The following PTPN3 variants were observed in gnomAD, a reference collection of about 807,000 sequenced individuals.
The protein encoded by PTPN3 is protein tyrosine phosphatase non-receptor type 3.
In PTPN3, 96 loss-of-function variants were observed where a neutral mutation model predicts 132.7. The ratio of observed to expected loss-of-function variants is 0.72; its 90% CI spans 0.61 to 0.86. The LOEUF (loss-of-function observed/expected upper bound fraction) is 0.86. Ranked by LOEUF, PTPN3 falls within the 40% of genes least tolerant of loss-of-function variation. The pLI is 0.00. For missense variants in PTPN3, 1,125 were observed against 1,159.6 expected, an observed-to-expected ratio of 0.97 and a Z score of 0.43; for synonymous variants, 398 against 429.0, an observed-to-expected ratio of 0.93 and a Z score of 0.89.
the PTPN3 span, among the ~76,000 whole-genome samples, chr9:109,536,859 A>C: frequency 6.6e-6 from 1 of 152,184 alleles, no homozygotes; most frequent in South Asian, 2.1e-4. Context: ...TCTGTCAATG[A>C]GAAGATTGAA....
At chr9:109,499,930 G>A (rs1447199950), upstream of PTPN3, among the ~76,000 whole-genome samples, 1 of 152,178 alleles carries the variant, frequency 6.6e-6, no homozygotes, top group Non-Finnish European at 1.5e-5. Flanking sequence ...GGACGGGCGG[G>A]GAGCGCACTG....
chr9:109,509,287 C>T, the PTPN3 span, among the ~76,000 whole-genome samples: 1 of 152,054 alleles, frequency 6.6e-6, no homozygotes, highest in South Asian at 2.1e-4. Flanking sequence ...GGGAAGCTGC[C>T]CCAGTGTTGT....
chr9:109,437,029 A>G, intron 8 of PTPN3, 59 bp from the exon 9 acceptor site: 1 of 1,604,110 alleles, frequency 6.2e-7, no homozygotes, highest in South Asian at 1.1e-5. Context: ...ATTAACTCCA[A>G]TTTTAAAAAA....
the PTPN3 span, among the ~76,000 whole-genome samples, chr9:109,507,777 G>A: frequency 1.3e-5 from 2 of 152,154 alleles, no homozygotes; most frequent in Non-Finnish European, 2.9e-5. Flanking sequence ...GCAGTGCTCC[G>A]GGACTCACTT....
At chr9:109,480,303 G>A (rs1011760678) in intron 1 of PTPN3, among the ~76,000 whole-genome samples, 2 of 152,066 alleles carry the variant, frequency 1.3e-5, no homozygotes, top group Non-Finnish European at 2.9e-5. Flanking sequence ...TAGTAGCTGG[G>A]ACTACAGGCA....
At position 109,449,985 on chromosome 9, in the gene PTPN3, C is replaced by A. The variant is rs941570569; in HGVS notation, c.369-1130G>T. ...GCCTCATAACTCTGTAAGGTAGGTA[C>A]CACTATCTCCATTTTTACAGATGAC... On this transcript the variant is annotated intron_variant, in intron 5 of 25. Transcript: ENST00000374541. The A allele has an allele frequency of 3.0e-6, 3 of 983,720 alleles. No individual in the cohort carries two copies. In the African/African-American group the frequency reaches 5.3e-5, roughly 17 times the overall value. 60.9% of individuals were successfully genotyped at this position (983,720 alleles called of 1,614,324 possible).
chr9:109,440,500 G>C (rs1205364876), intron 7 of PTPN3, among the ~76,000 whole-genome samples: 1 of 152,164 alleles, frequency 6.6e-6, no homozygotes, highest in Non-Finnish European at 1.5e-5. Context: ...CAGAACCCAG[G>C]TGATCTGAAC....
chr9:109,430,300 G>T (rs1176222875), intron 10 of PTPN3, among the ~76,000 whole-genome samples: 3 of 152,072 alleles, frequency 2.0e-5, no homozygotes, highest in African/African-American at 7.2e-5. Flanking sequence ...TGGCCCATGG[G>T]TATCTGTGGA....
chr9:109,504,370 G>T, the PTPN3 span, among the ~76,000 whole-genome samples: 896 of 152,266 alleles, frequency 5.9e-3, 6 homozygotes, highest in African/African-American at 0.021. Flanking sequence ...CCTCATGGCT[G>T]CCAGATGTGC....
upstream of PTPN3, among the ~76,000 whole-genome samples, chr9:109,499,524 G>T (rs577396475): frequency 6.6e-6 from 1 of 152,256 alleles, no homozygotes; most frequent in East Asian, 1.9e-4. Flanking sequence ...TGTCAGCTTT[G>T]GGGCTGTAGC....
chr9:109,417,440 C>T (rs1842600459), intron 14 of PTPN3: 2 of 360,314 alleles, frequency 5.6e-6, no homozygotes, highest in African/African-American at 2.2e-5. Flanking sequence ...TGACAGAATG[C>T]TTCTTTTTGC....
intron 5 of PTPN3, among the ~76,000 whole-genome samples, chr9:109,453,217 T>C (rs986525748): frequency 7.9e-5 from 12 of 152,198 alleles, no homozygotes; most frequent in African/African-American, 2.2e-4. Flanking sequence ...TTTCAACATA[T>C]TACAAGTTAA....
At chr9:109,384,354 C>T (rs558897094) in intron 22 of PTPN3, among the ~76,000 whole-genome samples, 1 of 152,304 alleles carries the variant, frequency 6.6e-6, no homozygotes, top group South Asian at 2.1e-4. Flanking sequence ...TTAGGTGACG[C>T]CCTAAAGAGG....
At chr9:109,449,087 A>T in intron 5 of PTPN3, 2 of 1,358,608 alleles carry the variant, frequency 1.5e-6, no homozygotes, top group South Asian at 3.4e-5. Context: ...ATTTTCTGCC[A>T]GCACAGGCTG....
chr9:109,507,192 A>G, the PTPN3 span, among the ~76,000 whole-genome samples: 1 of 152,194 alleles, frequency 6.6e-6, no homozygotes, highest in Middle Eastern at 3.2e-3. Flanking sequence ...GAGCTTTTGG[A>G]TAAGGATAAA....
rs562078584 is a variant in PTPN3, at chr9:109,470,620, C to G, written c.-17-7169G>C. On this transcript the variant is annotated intron_variant, in intron 1 of 25. Transcript: ENST00000374541. ...CTGAGGTGGGAGAATCGCTTGAGCC[C>G]AGGAGGTCAAGGCTGCAGGGAGCTA... Among the ~76,000 whole-genome samples the G allele has an allele frequency of 4.6e-5, 7 of 151,142 alleles. No homozygotes were observed. In the East Asian group the frequency reaches 7.8e-4, roughly 17 times the overall value.
Position 109,404,584 on chromosome 9 carries a change from T to C in PTPN3, c.1817A>G (p.Lys606Arg), listed in dbSNP as rs1199238578. The C allele has an allele frequency of 6.5e-7, 1 of 1,549,450 alleles. No homozygotes were observed. The highest frequency in any genetic ancestry group is 2.3e-5 in the East Asian group (1 of 43,632). The stretch of plus-strand genomic sequence containing the variant: ...AAGCTGGTTCAGTTCATCTTCAGAC[T>C]TGAAGTCAGCAAATGAGCGGACAGC... ...RRAVRSFADF[K>R]SEDELNQLFP... is the part of the protein sequence containing the mutation. Residue 606 changes from lysine (K) to arginine (R), a missense_variant, in exon 19 of 26, where the codon AAG becomes AGG. Transcript: ENST00000374541.
intron 14 of PTPN3, among the ~76,000 whole-genome samples, chr9:109,419,507 C>T (rs976633087): frequency 6.6e-6 from 1 of 152,122 alleles, no homozygotes; most frequent in Admixed American, 6.5e-5. Context: ...ACAGTTGATC[C>T]TTTACTATCA....
intron 5 of PTPN3, chr9:109,451,154 G>C (rs1200804235): frequency 2.1e-6 from 2 of 955,670 alleles, no homozygotes; most frequent in Non-Finnish European, 2.5e-6. Flanking sequence ...CTACTCAGGA[G>C]GCTGAGGGAG....
Sources: allele counts gnomAD v4.1 joint callset (sites outside exome capture counted in the v4.1 genomes callset), GRCh38; gene constraint gnomAD v4.1.1; transcripts MANE v1.5; gene names NCBI Gene and HGNC (gene_info 2026-07-23, HGNC 2026-07-21).